GRM7: variants seen among roughly 807,000 people sequenced by gnomAD.
GRM7 encodes the protein metabotropic glutamate receptor 7.
Under a neutral mutation model 84.5 loss-of-function variants are expected in GRM7, and 35 were observed. That is an observed-to-expected ratio of 0.41 (90% CI 0.32 to 0.55). The LOEUF (loss-of-function observed/expected upper bound fraction) is 0.55, where lower values mean the gene tolerates loss of function less well. Ranked by LOEUF, GRM7 falls within the 20% of genes least tolerant of loss-of-function variation. The pLI is 0.19. For missense variants in GRM7, 1,003 were observed against 1,194.6 expected (o/e 0.84, Z 2.36); for synonymous variants, 487 against 455.1 (o/e 1.07, Z -0.89).
chr3:7,614,783 G>A (rs1285190621), intron 8 of GRM7, among the ~76,000 whole-genome samples: 1 of 152,148 alleles, frequency 6.6e-6, no homozygotes, highest in Non-Finnish European at 1.5e-5. Context: ...GATAATGCTA[G>A]TATTTTGAAA....
rs572393449 is a variant in GRM7, at chr3:7,732,600, G to C, written c.2699-7757G>C. On this transcript the variant is annotated intron_variant, in intron 9 of 9. Transcript: ENST00000357716. ...TAGTGTGAGGATCCTCTTCAAAACT[G>C]TGAATATTTCCCTGTGGCTTCTCAA... 2.6e-5 allele frequency among the ~76,000 whole-genome samples: 4 copies of C among 152,300 alleles called. No homozygotes were observed. In the South Asian group the frequency reaches 6.2e-4, roughly 24 times the overall value.
intron 1 of GRM7, among the ~76,000 whole-genome samples, chr3:6,911,311 T>C (rs1696761207): frequency 6.6e-6 from 1 of 152,124 alleles, no homozygotes; most frequent in African/African-American, 2.4e-5. Flanking sequence ...CTTAAAAGAA[T>C]CCTTCTTTTG....
intron 4 of GRM7, among the ~76,000 whole-genome samples, chr3:7,326,625 A>G (rs1700998407): frequency 1.3e-5 from 2 of 152,140 alleles, no homozygotes; most frequent in South Asian, 2.1e-4. Flanking sequence ...AGGCGGGTGG[A>G]TCATCTGAGG....
intron 1 of GRM7, among the ~76,000 whole-genome samples, chr3:6,988,065 C>T (rs1322955818): frequency 3.4e-5 from 5 of 147,678 alleles, no homozygotes; most frequent in East Asian, 2.0e-4. Flanking sequence ...GGCGCGAACT[C>T]GGCTCACTGC....
chr3:7,412,453 T>G (rs1368044894), intron 4 of GRM7, among the ~76,000 whole-genome samples: 1 of 152,168 alleles, frequency 6.6e-6, no homozygotes, highest in African/African-American at 2.4e-5. Context: ...GAGCTTTTAC[T>G]CTCTCTCACC....
chr3:7,294,848 G>A (rs1190956202), intron 2 of GRM7, among the ~76,000 whole-genome samples: 2 of 152,196 alleles, frequency 1.3e-5, no homozygotes, highest in Non-Finnish European at 2.9e-5. Flanking sequence ...AGTGAATTCA[G>A]ATCTTTTCTG....
rs183576942 is a variant in GRM7, at chr3:7,663,283, C to G, written c.2452-16766C>G. Among the ~76,000 whole-genome samples the G allele has an allele frequency of 3.0e-4, 45 of 152,316 alleles. No individual in the cohort carries two copies. The South Asian group carries it at 5.0e-3, about 17-fold the overall frequency. ...TGGCATCGCTCAGGGAGCTCAGAAG[C>G]TGCCTTATGGAGCTGTCCCACTCGG... On this transcript the variant is annotated intron_variant, in intron 8 of 9. Coordinates refer to ENST00000357716, the MANE Select transcript of GRM7 (RefSeq NM_000844.4).
At chr3:7,203,227 C>T (rs1219125933) in intron 2 of GRM7, among the ~76,000 whole-genome samples, 2 of 152,212 alleles carry the variant, frequency 1.3e-5, no homozygotes, top group East Asian at 3.9e-4. Flanking sequence ...ACACACCCTT[C>T]CTAGCCTTTG....
intron 1 of GRM7, among the ~76,000 whole-genome samples, chr3:7,008,242 G>T (rs577187729): frequency 6.6e-6 from 1 of 152,120 alleles, no homozygotes; most frequent in Non-Finnish European, 1.5e-5. Context: ...GGGCTAATTG[G>T]CTGTGCAGCA....
intron 4 of GRM7, among the ~76,000 whole-genome samples, chr3:7,364,961 C>T (rs565322052): frequency 6.6e-5 from 10 of 151,926 alleles, no homozygotes; most frequent in Middle Eastern, 3.4e-3. Flanking sequence ...AAGCTTTTAG[C>T]ATTAATTTCA....
chr3:7,311,431 A>C (rs144652991), intron 4 of GRM7, among the ~76,000 whole-genome samples: 2 of 150,610 alleles, frequency 1.3e-5, no homozygotes, highest in Non-Finnish European at 2.9e-5. Context: ...AGGCTAAGCT[A>C]CATAGTGGCA....
chr3:7,599,396 C>T (rs1696205000), intron 8 of GRM7, among the ~76,000 whole-genome samples: 1 of 152,130 alleles, frequency 6.6e-6, no homozygotes, highest in South Asian at 2.1e-4. Context: ...CAGAAGATCA[C>T]TTGATGATAT....
intron 1 of GRM7, among the ~76,000 whole-genome samples, chr3:6,874,200 AG>A (rs1695224223): frequency 6.6e-6 from 1 of 152,230 alleles, no homozygotes; most frequent in Non-Finnish European, 1.5e-5. Flanking sequence ...TTTGGCATAT[AG>A]CAAGTGCTCA....
At position 7,417,234 on chromosome 3, in the gene GRM7, C is replaced by T. The variant is rs73810633; in HGVS notation, c.1174+2071C>T. On this transcript the variant is annotated intron_variant, in intron 5 of 9. Coordinates refer to ENST00000357716, the MANE Select transcript of GRM7 (RefSeq NM_000844.4). ...AAATTATAAGTGTACCCAAAATATT[C>T]GTATATTCTCACCTTCCTTTTTCCT... 4.7e-3 allele frequency among the ~76,000 whole-genome samples: 720 copies of T among 152,098 alleles called. 6 individuals are homozygous for T. Among genetic ancestry groups the T allele is most frequent in the South Asian group, 0.023 (112 of 4,818 alleles).
chr3:7,695,457 G>A (rs1258435959), intron 9 of GRM7, among the ~76,000 whole-genome samples: 1 of 152,128 alleles, frequency 6.6e-6, no homozygotes, highest in Admixed American at 6.6e-5. Context: ...AGTCCTCAAA[G>A]AGATTATGAT....
chr3:7,499,558 G>GT (rs1458664246), intron 7 of GRM7, among the ~76,000 whole-genome samples: 1 of 152,128 alleles, frequency 6.6e-6, no homozygotes. Context: ...TGCTTTACAT[G>GT]TTTATTCTCA....
intron 2 of GRM7, among the ~76,000 whole-genome samples, chr3:7,155,296 A>T (rs1694412778): frequency 6.6e-6 from 1 of 152,108 alleles, no homozygotes; most frequent in Admixed American, 6.6e-5. Context: ...ATGTAATTTT[A>T]GTGTTGTAAC....
intron 1 of GRM7, among the ~76,000 whole-genome samples, chr3:7,034,443 T>C (rs745918215): frequency 2.0e-5 from 3 of 152,174 alleles, no homozygotes; most frequent in Non-Finnish European, 2.9e-5. Context: ...TACTAGATGA[T>C]AACTCCCACC....
chr3:7,580,630 A>T (rs762315126), intron 8 of GRM7, among the ~76,000 whole-genome samples: 5 of 152,220 alleles, frequency 3.3e-5, no homozygotes, highest in Non-Finnish European at 5.9e-5. Context: ...GTGTTTTTAA[A>T]AAAGTAAATA....
Sources: gnomAD v4.1 joint callset for allele counts (sites outside exome capture counted in the v4.1 genomes callset) on GRCh38, gnomAD v4.1.1 for gene constraint, MANE v1.5 for transcripts, NCBI Gene and HGNC (gene_info 2026-07-23, HGNC 2026-07-21) for gene names.